LAT2: variants seen among roughly 807,000 people sequenced by gnomAD.
The protein encoded by LAT2 is linker for activation of T cells family member 2.
Under a neutral mutation model 43.4 loss-of-function variants are expected in LAT2, and 23 were observed. The ratio of observed to expected loss-of-function variants is 0.53; its 90% CI spans 0.38 to 0.75. The LOEUF is 0.75. Ranked by LOEUF, LAT2 falls within the 30% of genes least tolerant of loss-of-function variation. LAT2 has a pLI of 0.00. For missense variants in LAT2, 284 were observed against 310.2 expected, an observed-to-expected ratio of 0.92 and a Z score of 0.64; for synonymous variants, 128 against 123.2, an observed-to-expected ratio of 1.04 and a Z score of -0.26.
chr7:74,225,310 T>A (rs782256672), intron 13 of LAT2: 66 of 153,454 alleles, frequency 4.3e-4, no homozygotes, highest in Admixed American at 7.1e-4. Context: ...AGGAGAATCA[T>A]TTGAACCCTG....
At chr7:74,221,837 G>T in intron 10 of LAT2, 145 bp downstream of exon 10, 1 of 546,734 alleles carries the variant, frequency 1.8e-6, no homozygotes. Context: ...GGCTGGTGCT[G>T]CAGGCGGGGG....
chr7:74,213,903 C>T lies in LAT2; in HGVS notation c.-218-919C>T, dbSNP rs1554713560. ...ACCATACTCAACCCCTTCAGAGACC[C>T]CACCACCCTCAACTCTGTCCCCAGC... On this transcript the variant is annotated intron_variant, in intron 1 of 13. Coordinates refer to ENST00000460943, the MANE Select transcript of LAT2 (RefSeq NM_032464.3). 3.3e-5 allele frequency among the ~76,000 whole-genome samples: 5 copies of T among 150,966 alleles called. 1 individual carries two copies. The South Asian group carries it at 8.3e-4, about 25-fold the overall frequency.
intron 1 of LAT2, among the ~76,000 whole-genome samples, chr7:74,214,241 AATATATATATAAATAT>A (rs1333842838): frequency 2.9e-5 from 2 of 69,654 alleles, no homozygotes; most frequent in East Asian, 8.4e-4. Context: ...TATATATGAA[AATATATATATAAATAT>A]ATATATATGA....
intron 11 of LAT2, 55 bp from the exon 12 acceptor site, chr7:74,223,963 C>T (rs1378119375): frequency 1.3e-6 from 2 of 1,572,468 alleles, no homozygotes; most frequent in African/African-American, 1.4e-5. Context: ...GCTCTATTGG[C>T]TCCTGGTGCC....
chr7:74,227,232 T>C (rs984072387), intron 13 of LAT2, among the ~76,000 whole-genome samples: 8 of 151,580 alleles, frequency 5.3e-5, no homozygotes, highest in South Asian at 2.1e-4. Flanking sequence ...TATTTTATTT[T>C]GTTTTTTGAG....
rs1477034790 is a variant in LAT2, at chr7:74,220,471, AC to A, written c.266-112del. ...ATGCCCCACTGAGGGGACAGGGAGC[AC>A]TGCAAAGGCTCAGACACGGGAAATA... On this transcript the variant is annotated intron_variant, in intron 7 of 13. Transcript: ENST00000460943. This position sits in a 1 kb window ranked among gnomAD's most constrained non-coding sequence, Gnocchi z 4.5. 7.1e-7 allele frequency: 1 copy of A among 1,404,376 alleles called. No individual in the cohort carries two copies. The highest frequency in any genetic ancestry group is 1.4e-5 in the African/African-American group (1 of 70,588). 87.0% of individuals were successfully genotyped at this position (1,404,376 alleles called of 1,614,324 possible). A position where few individuals can be genotyped will look rare whatever the true frequency, so the allele number is the denominator to read the frequency against.
rs1563968752 is a variant in LAT2 at position 74,214,771 on chromosome 7, ATATAAATATATATATATATATT to A, written c.-218-49_-218-28del. 15 of 27,198 alleles carry A rather than the reference ATATAAATATATATATATATATT, an allele frequency of 5.5e-4. 1 individual carries two copies. The highest frequency in any genetic ancestry group is 1.8e-3 in the South Asian group (1 of 560). 1.7% of individuals were successfully genotyped at this position (27,198 alleles called of 1,614,324 possible). A position where few individuals can be genotyped will look rare whatever the true frequency, so the allele number is the denominator to read the frequency against. On this transcript the variant is annotated intron_variant, in intron 1 of 13. Coordinates refer to ENST00000460943, the MANE Select transcript of LAT2 (RefSeq NM_032464.3). ...TAAATATATATATATAAACATATAT[ATATAAATATATATATATATATT>A]TTTTTTTTTTTTTGTATTTTTTTTG...
chr7:74,213,858 T>C (rs1477786051), intron 1 of LAT2, among the ~76,000 whole-genome samples: 2 of 150,472 alleles, frequency 1.3e-5, no homozygotes, highest in Non-Finnish European at 3.0e-5. Flanking sequence ...CACTCGGGAG[T>C]GTTGGCTCCA....
Position 74,220,354 on chromosome 7 carries a change from G to A in LAT2, c.265+100G>A. 2.9e-6 allele frequency: 4 copies of A among 1,359,234 alleles called. No individual in the cohort carries two copies. The highest frequency in any genetic ancestry group is 4.1e-6 in the Non-Finnish European group (4 of 972,468). The allele number at this position is 1,359,234 out of a possible 1,614,324, so 84.2% of individuals were successfully genotyped here. On this transcript the variant is annotated intron_variant, in intron 7 of 13. Coordinates refer to ENST00000460943, the MANE Select transcript of LAT2 (RefSeq NM_032464.3). This position sits in a 1 kb window ranked among gnomAD's most constrained non-coding sequence, Gnocchi z 4.5. ...AGGCGTCGTGCAGTGGGGGCTGCGG[G>A]GCCAGGCGAGGCCTCCCCAGGAGAG...
intron 3 of LAT2, 65 bp from the exon 4 acceptor site, chr7:74,216,760 G>C (rs960535901): frequency 8.6e-6 from 12 of 1,394,580 alleles, no homozygotes; most frequent in African/African-American, 8.5e-5. Flanking sequence ...GACATGGCGG[G>C]GGGTGTCTGA....
At chr7:74,223,873 G>GC in intron 11 of LAT2, 90 bp downstream of exon 11, 2 of 1,494,204 alleles carry the variant, frequency 1.3e-6, no homozygotes, top group Non-Finnish European at 1.9e-6. Flanking sequence ...CTCAAAGGCC[G>GC]CCCCCACTTT....
intron 5 of LAT2, 65 bp downstream of exon 5, chr7:74,219,852 T>A: frequency 6.2e-7 from 1 of 1,609,478 alleles, no homozygotes; most frequent in Non-Finnish European, 8.5e-7. Context: ...GTTATCTCGG[T>A]CCCCATTGAC....
chr7:74,218,221 T>C (rs1216290054), intron 4 of LAT2, among the ~76,000 whole-genome samples: 1 of 152,214 alleles, frequency 6.6e-6, no homozygotes, highest in Non-Finnish European at 1.5e-5. Context: ...CCAGCCTGCA[T>C]GAAGCGACTG....
Position 74,224,122 on chromosome 7 carries a change from G to A in LAT2, c.553G>A (p.Glu185Lys). Residue 185 changes from glutamate to lysine, a missense_variant, in exon 12 of 14, where the codon GAA (glutamate) becomes AAA (lysine). By Grantham distance (56) the Glu-to-Lys change is moderately conservative (BLOSUM62 1). Coordinates refer to ENST00000460943, the MANE Select transcript of LAT2 (RefSeq NM_032464.3). ...TSGLCPSASP[E>K]EDEESEDYQN... ...TGGTCTCTGTCCCTCTGCCTCCCCG[G>A]AAGAAGATGAGGAATCTGAGGATTA... 3 of 1,614,110 alleles carry A rather than the reference G, an allele frequency of 1.9e-6. No homozygotes were observed. The South Asian group carries it at 3.3e-5, about 18-fold the overall frequency.
intron 1 of LAT2, among the ~76,000 whole-genome samples, chr7:74,211,812 G>A (rs1554713201): frequency 6.6e-6 from 1 of 151,760 alleles, no homozygotes; most frequent in Non-Finnish European, 1.5e-5. Flanking sequence ...GGCTGGTCTT[G>A]AACTCCTGAC....
At chr7:74,226,426 T>C (rs1802489341) in intron 13 of LAT2, 1 of 152,030 alleles carries the variant, frequency 6.6e-6, no homozygotes, top group African/African-American at 2.4e-5. Flanking sequence ...GAGCCATGGT[T>C]GCTGCAGTGA....
At chr7:74,216,229 G>T (rs939263920) in intron 3 of LAT2, among the ~76,000 whole-genome samples, 160 bp downstream of exon 3, 2 of 152,100 alleles carry the variant, frequency 1.3e-5, no homozygotes, top group Non-Finnish European at 2.9e-5. Context: ...CAATGGTCAG[G>T]TGCACCCGAG....
chr7:74,213,683 A>G (rs982893846), intron 1 of LAT2, among the ~76,000 whole-genome samples: 2 of 151,972 alleles, frequency 1.3e-5, no homozygotes, highest in Middle Eastern at 3.4e-3. Context: ...TTGGCCTCCC[A>G]AAGTGCTGGG....
intron 13 of LAT2, among the ~76,000 whole-genome samples, chr7:74,228,575 G>A (rs1802580402): frequency 6.6e-6 from 1 of 150,754 alleles, no homozygotes; most frequent in African/African-American, 2.4e-5. Flanking sequence ...CACGAGGTCA[G>A]GAGATCGAGA....
Sources: gnomAD v4.1 joint callset for allele counts (sites outside exome capture counted in the v4.1 genomes callset) on GRCh38, gnomAD v4.1.1 for gene constraint, Gnocchi (gnomAD v3.1) non-coding constraint, MANE v1.5 for transcripts, NCBI Gene and HGNC (gene_info 2026-07-23, HGNC 2026-07-21) for gene names.